AP3B1: variants seen among roughly 807,000 people sequenced by gnomAD.
AP3B1 encodes the protein adaptor related protein complex 3 subunit beta 1, also known as AP-3 complex subunit beta-1.
In AP3B1, 61 loss-of-function variants were observed where a neutral mutation model predicts 132.5. The observed-to-expected ratio is 0.46, with a 90% CI of 0.37 to 0.57. The LOEUF is 0.57. AP3B1 is among the 20% of genes least tolerant of loss of function. The pLI, the probability that AP3B1 is intolerant of heterozygous loss-of-function variation, is 0.00. For missense variants in AP3B1, 1,120 were observed against 1,289.4 expected (o/e 0.87, Z 2.01); for synonymous variants, 388 against 438.3 (o/e 0.89, Z 1.43).
intron 7 of AP3B1, among the ~76,000 whole-genome samples, chr5:78,202,970 C>A (rs1489145064): frequency 1.3e-5 from 2 of 152,192 alleles, no homozygotes; most frequent in Non-Finnish European, 2.9e-5. Flanking sequence ...ACCGATTTCT[C>A]CATTTTTGAA....
In AP3B1 at chr5:78,149,419, A is replaced by T. The variant is rs138313080; in HGVS notation, c.1473+6839T>A. Among the ~76,000 whole-genome samples the T allele has an allele frequency of 4.1e-3, 622 of 152,308 alleles. 3 individuals carry two copies. Among genetic ancestry groups the T allele is most frequent in the African/African-American group, 0.014 (593 of 41,570 alleles). On this transcript the variant is annotated intron_variant, in intron 14 of 26. Coordinates refer to ENST00000255194, the MANE Select transcript of AP3B1 (RefSeq NM_003664.5). ...AATTAATAATTTATATTTTTAAGGTACTTAGAATAGTGCCTGGCAAATGAT... is the reference window on the plus strand; with the variant it reads ...AATTAATAATTTATATTTTTAAGGTTCTTAGAATAGTGCCTGGCAAATGAT...
In AP3B1 at chr5:78,185,582, A is replaced by G. The variant is rs370871898; in HGVS notation, c.787-3920T>C. ...ACAGCATCCACTAAAGAAGCTGCAC[A>G]AAGAGATATATTCGTGCTTTGGTAG... On this transcript the variant is annotated intron_variant, in intron 7 of 26. Coordinates refer to ENST00000255194, the MANE Select transcript of AP3B1 (RefSeq NM_003664.5). Among the ~76,000 whole-genome samples, 11 of 152,342 alleles carry G rather than the reference A, an allele frequency of 7.2e-5. No homozygotes were observed. The East Asian group carries it at 1.3e-3, about 19-fold the overall frequency.
chr5:78,252,453 A>T (rs1345093566), intron 2 of AP3B1, among the ~76,000 whole-genome samples: 1 of 152,180 alleles, frequency 6.6e-6, no homozygotes, highest in Non-Finnish European at 1.5e-5. Context: ...AAGGGAGCCC[A>T]CTGTCCTGAA....
intron 26 of AP3B1, among the ~76,000 whole-genome samples, chr5:78,008,820 A>G (rs1032307935): frequency 2.6e-5 from 4 of 152,198 alleles, no homozygotes; most frequent in African/African-American, 9.6e-5. Flanking sequence ...GAGAATTACA[A>G]ATTCTCCAAA....
At chr5:78,092,386 T>C (rs1490534922) in intron 21 of AP3B1, among the ~76,000 whole-genome samples, 3 of 152,188 alleles carry the variant, frequency 2.0e-5, no homozygotes, top group Non-Finnish European at 4.4e-5. Flanking sequence ...AAGATGAAAG[T>C]TGGCATTGAA....
intron 24 of AP3B1, among the ~76,000 whole-genome samples, chr5:78,022,919 G>T (rs991538580): frequency 1.3e-5 from 2 of 152,120 alleles, no homozygotes; most frequent in African/African-American, 4.8e-5. Context: ...AAAAGAAGTT[G>T]AACAATATGC....
intron 17 of AP3B1, among the ~76,000 whole-genome samples, chr5:78,122,822 T>C (rs1752281353): frequency 6.6e-6 from 1 of 152,184 alleles, no homozygotes; most frequent in Middle Eastern, 3.2e-3. Flanking sequence ...CCAATGACTT[T>C]CTTCACAGAA....
At chr5:78,249,745 G>C (rs959810723) in intron 2 of AP3B1, among the ~76,000 whole-genome samples, 1 of 151,744 alleles carries the variant, frequency 6.6e-6, no homozygotes, top group African/African-American at 2.4e-5. Flanking sequence ...CACCATACCT[G>C]GCTGATTTTT....
chr5:78,205,664 A>G (rs1745474052), intron 7 of AP3B1, among the ~76,000 whole-genome samples: 2 of 152,178 alleles, frequency 1.3e-5, no homozygotes, highest in African/African-American at 4.8e-5. Context: ...TTTAATTCCA[A>G]CAACATGGCT....
At chr5:78,122,703 A>C (rs1265962414) in intron 17 of AP3B1, among the ~76,000 whole-genome samples, 1 of 152,200 alleles carries the variant, frequency 6.6e-6, no homozygotes, top group Non-Finnish European at 1.5e-5. Context: ...AAGAGGATAC[A>C]AACAAATGGA....
intron 9 of AP3B1, 110 bp downstream of exon 9, chr5:78,177,229 G>C: frequency 1.4e-6 from 1 of 729,696 alleles, no homozygotes; most frequent in South Asian, 1.7e-5. Context: ...CTGATCGATT[G>C]ATTAAAATAT....
At chr5:78,290,949 A>C (rs1270021972) in intron 1 of AP3B1, among the ~76,000 whole-genome samples, 1 of 152,164 alleles carries the variant, frequency 6.6e-6, no homozygotes, top group East Asian at 1.9e-4. Context: ...GACATGTCTC[A>C]AAAAATAAAA....
intron 2 of AP3B1, among the ~76,000 whole-genome samples, chr5:78,261,633 T>A (rs1748096812): frequency 6.6e-6 from 1 of 152,014 alleles, no homozygotes; most frequent in Non-Finnish European, 1.5e-5. Flanking sequence ...GCCTGGCTAA[T>A]TTTTGTATTT....
At chr5:78,246,501 T>G (rs983111521) in intron 2 of AP3B1, among the ~76,000 whole-genome samples, 17 of 152,218 alleles carry the variant, frequency 1.1e-4, no homozygotes, top group African/African-American at 3.9e-4. Context: ...GAAATTTTTT[T>G]AATGAAAAAT....
intron 16 of AP3B1, among the ~76,000 whole-genome samples, chr5:78,128,603 G>A (rs1435708350): frequency 1.3e-5 from 2 of 152,028 alleles, no homozygotes; most frequent in Admixed American, 6.6e-5. Context: ...ATTCCAACTG[G>A]AATGGCTACT....
chr5:78,261,988 C>G (rs990156483), intron 2 of AP3B1, among the ~76,000 whole-genome samples: 7 of 152,002 alleles, frequency 4.6e-5, no homozygotes, highest in African/African-American at 1.7e-4. Flanking sequence ...AGGCTTGTCT[C>G]AAACTCCTGA....
intron 25 of AP3B1, among the ~76,000 whole-genome samples, chr5:78,019,832 C>T (rs1032192919): frequency 1.3e-5 from 2 of 151,798 alleles, no homozygotes; most frequent in Non-Finnish European, 2.9e-5. Flanking sequence ...GTGCCTAGTA[C>T]GTTCTGGAAG....
At chr5:78,279,089 G>A (rs1748926781) in intron 1 of AP3B1, among the ~76,000 whole-genome samples, 1 of 152,092 alleles carries the variant, frequency 6.6e-6, no homozygotes, top group African/African-American at 2.4e-5. Flanking sequence ...AATATACCAG[G>A]TGGAAAGCAA....
intron 2 of AP3B1, among the ~76,000 whole-genome samples, chr5:78,255,020 A>T (rs6879846): frequency 6.6e-6 from 1 of 152,138 alleles, no homozygotes; most frequent in African/African-American, 2.4e-5. Context: ...GTGTTAAATT[A>T]CTATCAGGTT....
Sources: gnomAD v4.1 joint callset for allele counts (sites outside exome capture counted in the v4.1 genomes callset) on GRCh38, gnomAD v4.1.1 for gene constraint, MANE v1.5 for transcripts, NCBI Gene and HGNC (gene_info 2026-07-23, HGNC 2026-07-21) for gene names.